The following FSTL4 variants were observed in gnomAD, a reference collection of about 807,000 sequenced individuals.
The protein encoded by FSTL4 is follistatin-related protein 4.
FSTL4 carries 28 observed loss-of-function variants against 78.2 expected under a neutral mutation model. That is an observed-to-expected ratio of 0.36 (90% confidence interval 0.27 to 0.49). FSTL4 has a LOEUF of 0.49. Ranked by LOEUF, FSTL4 falls within the 20% of genes least tolerant of loss-of-function variation. The pLI is 0.98. For synonymous variants in FSTL4, 422 were observed against 440.5 expected (o/e 0.96, Z 0.53); for missense variants, 922 against 1,084.9 (o/e 0.85, Z 2.11).
At chr5:133,722,529 T>C in the FSTL4 span, among the ~76,000 whole-genome samples, 3 of 152,262 alleles carry the variant, frequency 2.0e-5, no homozygotes, top group Non-Finnish European at 4.4e-5. Context: ...CTATTTATAT[T>C]CCTTTATATC....
At chr5:133,279,428 G>A (rs765985605) in intron 6 of FSTL4, among the ~76,000 whole-genome samples, 15 of 152,202 alleles carry the variant, frequency 9.9e-5, no homozygotes, top group Admixed American at 7.2e-4. Flanking sequence ...GTGGAAAAAC[G>A]GTCTTCCAGG....
intron 7 of FSTL4, among the ~76,000 whole-genome samples, chr5:133,242,525 C>T (rs1473467877): frequency 6.6e-6 from 1 of 152,066 alleles, no homozygotes; most frequent in African/African-American, 2.4e-5. Flanking sequence ...AGCCCTGAGG[C>T]CAGGGCTTCC....
chr5:133,759,804 G>A, the FSTL4 span, among the ~76,000 whole-genome samples: 3 of 152,202 alleles, frequency 2.0e-5, no homozygotes, highest in Admixed American at 1.3e-4. Flanking sequence ...TTAGTTCACC[G>A]TTTCAACACT....
intron 6 of FSTL4, among the ~76,000 whole-genome samples, chr5:133,259,288 A>C (rs937390285): frequency 3.3e-5 from 5 of 152,060 alleles, no homozygotes; most frequent in Non-Finnish European, 7.3e-5. Context: ...GAGCAAGGAC[A>C]TTCTAGTTAG....
At chr5:133,700,757 G>T in the FSTL4 span, among the ~76,000 whole-genome samples, 1,404 of 152,296 alleles carry the variant, frequency 9.2e-3, 23 homozygotes, top group African/African-American at 0.032. Context: ...ATCCACTCAG[G>T]GGGTAACACA....
the FSTL4 span, among the ~76,000 whole-genome samples, chr5:133,618,910 C>T: frequency 6.6e-6 from 1 of 152,220 alleles, no homozygotes; most frequent in African/African-American, 2.4e-5. Flanking sequence ...TAGTTGTCCT[C>T]ATCATGAACC....
At chr5:133,553,477 A>G (rs575818429) in intron 3 of FSTL4, among the ~76,000 whole-genome samples, 68 of 152,314 alleles carry the variant, frequency 4.5e-4, no homozygotes, top group African/African-American at 1.6e-3. Context: ...AAAGGAATGA[A>G]TATTTAGGTA....
the FSTL4 span, among the ~76,000 whole-genome samples, chr5:133,760,035 G>A: frequency 6.6e-6 from 1 of 152,190 alleles, no homozygotes; most frequent in African/African-American, 2.4e-5. Context: ...CGGCTTCCCT[G>A]GTTCTTGCAG....
chr5:133,216,969 C>A (rs184106852), intron 13 of FSTL4, among the ~76,000 whole-genome samples: 4 of 152,276 alleles, frequency 2.6e-5, no homozygotes, highest in Admixed American at 2.6e-4. Context: ...TTTTCATAGT[C>A]CTTATTACTT....
chr5:133,270,050 C>T (rs371986699), intron 6 of FSTL4: 1 of 152,348 alleles, frequency 6.6e-6, no homozygotes, highest in Admixed American at 6.5e-5. Context: ...CATGGCCCTT[C>T]CTGCAGGGTT....
In FSTL4 at chr5:133,230,659, G is replaced by A. The variant is rs117125111; in HGVS notation, c.1015+2758C>T. 1.2e-3 allele frequency among the ~76,000 whole-genome samples: 185 copies of A among 152,234 alleles called. 1 individual carries two copies. In the East Asian group the frequency reaches 0.032, roughly 26 times the overall value. On this transcript the variant is annotated intron_variant, in intron 8 of 15. Coordinates refer to ENST00000265342, the MANE Select transcript of FSTL4 (RefSeq NM_015082.2). Reference sequence around the variant, plus strand: ...TAAAGAGGGGGCCTCAGATCTGCCTGCTCCACCTCCGGTGCCCCTGCGTCT... The same window carrying A: ...TAAAGAGGGGGCCTCAGATCTGCCTACTCCACCTCCGGTGCCCCTGCGTCT...
At chr5:133,392,963 G>C (rs1755889399) in intron 4 of FSTL4, among the ~76,000 whole-genome samples, 1 of 152,216 alleles carries the variant, frequency 6.6e-6, no homozygotes, top group Non-Finnish European at 1.5e-5. Context: ...ATGCCGAACT[G>C]ATAATATTCT....
chr5:133,578,590 G>A (rs567342159), intron 2 of FSTL4, among the ~76,000 whole-genome samples: 1 of 152,302 alleles, frequency 6.6e-6, no homozygotes, highest in African/African-American at 2.4e-5. Context: ...CAAAAGGATA[G>A]GTGCCCATCT....
chr5:133,507,021 A>C (rs1758624267), intron 3 of FSTL4, among the ~76,000 whole-genome samples: 1 of 152,198 alleles, frequency 6.6e-6, no homozygotes, highest in Non-Finnish European at 1.5e-5. Flanking sequence ...CAGCCTGGCC[A>C]ACATGGCAAA....
At chr5:133,606,464 T>C (rs1760980529) in intron 1 of FSTL4, among the ~76,000 whole-genome samples, 1 of 152,204 alleles carries the variant, frequency 6.6e-6, no homozygotes, top group African/African-American at 2.4e-5. Flanking sequence ...TAACTCCCTA[T>C]TCTCCATAAG....
intron 12 of FSTL4, among the ~76,000 whole-genome samples, chr5:133,220,087 C>G (rs970481402): frequency 6.6e-6 from 1 of 152,246 alleles, no homozygotes; most frequent in Non-Finnish European, 1.5e-5. Flanking sequence ...GCTCCAAGCC[C>G]GTAACTATTC....
At chr5:133,312,215 A>G (rs114488912) in intron 6 of FSTL4, among the ~76,000 whole-genome samples, 60 of 152,212 alleles carry the variant, frequency 3.9e-4, no homozygotes, top group Non-Finnish European at 7.8e-4. Context: ...GTCCTTGGGT[A>G]GTCACTGCTC....
the FSTL4 span, among the ~76,000 whole-genome samples, chr5:133,779,910 C>T: frequency 6.6e-6 from 1 of 152,072 alleles, no homozygotes; most frequent in Admixed American, 6.5e-5. Flanking sequence ...CATGAAAAGC[C>T]AGAAGGGAGG....
intron 14 of FSTL4, 107 bp downstream of exon 14, chr5:133,210,084 G>T (rs891237168): frequency 3.1e-6 from 2 of 654,886 alleles, no homozygotes; most frequent in African/African-American, 1.8e-5. Context: ...GATATATTTT[G>T]GATAAATGTA....
Sources: allele counts gnomAD v4.1 joint callset (sites outside exome capture counted in the v4.1 genomes callset), GRCh38; gene constraint gnomAD v4.1.1; transcripts MANE v1.5; gene names NCBI Gene and HGNC (gene_info 2026-07-23, HGNC 2026-07-21).